Variants in GAS7 observed in about 807,000 individuals in gnomAD.
GAS7 encodes the protein growth arrest-specific protein 7.
Under a neutral mutation model 71.1 loss-of-function variants are expected in GAS7, and 28 were observed. That is an observed-to-expected ratio of 0.39 (90% confidence interval 0.29 to 0.54). The LOEUF (loss-of-function observed/expected upper bound fraction) is 0.54. Ranked by LOEUF, GAS7 falls within the 20% of genes least tolerant of loss-of-function variation. GAS7 has a pLI of 0.62. For missense variants in GAS7, 436 were observed against 627.8 expected, an observed-to-expected ratio of 0.69 and a Z score of 3.27; for synonymous variants, 258 against 245.8, an observed-to-expected ratio of 1.05 and a Z score of -0.46.
intron 5 of GAS7, among the ~76,000 whole-genome samples, chr17:9,956,434 C>T (rs2069239810): frequency 6.6e-6 from 1 of 152,192 alleles, no homozygotes; most frequent in Non-Finnish European, 1.5e-5. Flanking sequence ...CCCCAAATTC[C>T]TCTTTCCAGG....
At chr17:10,157,746 A>G (rs900472650) in intron 1 of GAS7, among the ~76,000 whole-genome samples, 1 of 152,192 alleles carries the variant, frequency 6.6e-6, no homozygotes, top group African/African-American at 2.4e-5. Flanking sequence ...CCTCCCCGCA[A>G]AAAATTTAAA....
At chr17:9,971,862 G>A (rs1192556593) in intron 3 of GAS7, among the ~76,000 whole-genome samples, 2 of 152,162 alleles carry the variant, frequency 1.3e-5, no homozygotes, top group Non-Finnish European at 2.9e-5. Context: ...TTGGAGCGAC[G>A]AGGACTGGAG....
At chr17:9,965,011 G>T (rs1041968076) in intron 4 of GAS7, among the ~76,000 whole-genome samples, 1 of 152,068 alleles carries the variant, frequency 6.6e-6, no homozygotes, top group African/African-American at 2.4e-5. Flanking sequence ...TGGGAAGTTC[G>T]TGAGAAGCCA....
intron 1 of GAS7, 78 bp downstream of exon 1, chr17:10,198,130 C>T: frequency 7.0e-7 from 1 of 1,420,918 alleles, no homozygotes; most frequent in Non-Finnish European, 9.7e-7. Flanking sequence ...CTGCGGCATC[C>T]CCGGAACGGG....
intron 1 of GAS7, among the ~76,000 whole-genome samples, chr17:10,092,333 T>C (rs1307254697): frequency 6.6e-6 from 1 of 152,196 alleles, no homozygotes; most frequent in Non-Finnish European, 1.5e-5. Context: ...TAGCCTGATA[T>C]TTTGTTATAC....
At chr17:10,102,895 G>A (rs1323937386) in intron 1 of GAS7, among the ~76,000 whole-genome samples, 3 of 152,030 alleles carry the variant, frequency 2.0e-5, no homozygotes, top group South Asian at 2.1e-4. Context: ...TGTTCAATAG[G>A]CGAGTAATTA....
chr17:10,076,848 G>A (rs2073399616), intron 1 of GAS7, among the ~76,000 whole-genome samples: 1 of 103,472 alleles, frequency 9.7e-6, no homozygotes, highest in South Asian at 2.5e-4. Context: ...CATATCACCA[G>A]AGCCGGAATC....
At chr17:10,062,628 G>A (rs1567575560) in intron 1 of GAS7, among the ~76,000 whole-genome samples, 1 of 152,110 alleles carries the variant, frequency 6.6e-6, no homozygotes, top group East Asian at 1.9e-4. Flanking sequence ...GAAACCACAC[G>A]AACACAGTGG....
At chr17:9,953,906 C>T (rs953763291) in intron 5 of GAS7, among the ~76,000 whole-genome samples, 7 of 152,156 alleles carry the variant, frequency 4.6e-5, no homozygotes, top group South Asian at 2.1e-4. Flanking sequence ...GTGCAGTGGC[C>T]GGAGGCTAGG....
chr17:10,057,092 A>T (rs993094112), intron 1 of GAS7, among the ~76,000 whole-genome samples: 2 of 152,094 alleles, frequency 1.3e-5, no homozygotes, highest in Admixed American at 1.3e-4. Flanking sequence ...TCGTTCACTC[A>T]GTGCTCAATG....
At chr17:10,196,066 A>G (rs1210289418) in intron 1 of GAS7, among the ~76,000 whole-genome samples, 1 of 152,172 alleles carries the variant, frequency 6.6e-6, no homozygotes, top group African/African-American at 2.4e-5. Flanking sequence ...TTTTAGCCCT[A>G]GAGGTTCAGC....
At chr17:10,014,341 G>A (rs553672953) in intron 2 of GAS7, among the ~76,000 whole-genome samples, 2 of 151,870 alleles carry the variant, frequency 1.3e-5, no homozygotes, top group Admixed American at 6.6e-5. Flanking sequence ...TTAGTCTGTC[G>A]GCCTCCACGC....
At position 10,009,337 on chromosome 17, in the gene GAS7, G is replaced by A. The variant is rs9904564; in HGVS notation, c.304+10440C>T. ...CTCCGTCAAAAAAAAAAAAAAAAAA[G>A]TGTTCTACTGGAAAACTTATCCAGA... On this transcript the variant is annotated intron_variant, in intron 2 of 13. Coordinates refer to ENST00000432992, the MANE Select transcript of GAS7 (RefSeq NM_201433.2). Among the ~76,000 whole-genome samples the A allele has an allele frequency of 2.9e-3, 309 of 106,288 alleles. 2 individuals carry two copies. Among genetic ancestry groups the A allele is most frequent in the African/African-American group, 0.012 (280 of 22,804 alleles). The allele number at this position is 106,288 out of a possible 152,430, so 69.7% of individuals were successfully genotyped here.
chr17:10,189,940 CA>C (rs776083493), intron 1 of GAS7, among the ~76,000 whole-genome samples: 507 of 129,628 alleles, frequency 3.9e-3, no homozygotes, highest in Middle Eastern at 7.6e-3. Flanking sequence ...TTCCATCTCC[CA>C]AAAAAAAAAA....
chr17:10,017,850 C>T (rs1055331553), intron 2 of GAS7, among the ~76,000 whole-genome samples: 4 of 152,142 alleles, frequency 2.6e-5, no homozygotes, highest in Admixed American at 1.3e-4. Flanking sequence ...GTTCACTGAC[C>T]CCTGGCCTGG....
At chr17:10,040,686 C>A (rs1597738639) in intron 1 of GAS7, among the ~76,000 whole-genome samples, 1 of 151,994 alleles carries the variant, frequency 6.6e-6, no homozygotes, top group African/African-American at 2.4e-5. Context: ...GAGGCAAGAG[C>A]ATCACATCCA....
intron 1 of GAS7, among the ~76,000 whole-genome samples, chr17:10,124,835 T>C (rs2073932193): frequency 6.6e-6 from 1 of 152,052 alleles, no homozygotes; most frequent in East Asian, 1.9e-4. Context: ...AGAGAATCGC[T>C]TGAACCCGGG....
chr17:10,138,177 G>T (rs528352685), intron 1 of GAS7, among the ~76,000 whole-genome samples: 9 of 150,526 alleles, frequency 6.0e-5, no homozygotes, highest in African/African-American at 2.2e-4. Flanking sequence ...ATGTTAGCCA[G>T]GATGGTCTCG....
At chr17:10,032,665 A>G (rs8077488) in intron 1 of GAS7, among the ~76,000 whole-genome samples, 48,952 of 152,060 alleles carry the variant, frequency 0.32, 8,264 homozygotes, top group African/African-American at 0.42. Context: ...CAGCTTCCAA[A>G]AACAGCAGCC....
Sources: allele counts gnomAD v4.1 joint callset (sites outside exome capture counted in the v4.1 genomes callset), GRCh38; gene constraint gnomAD v4.1.1; transcripts MANE v1.5; gene names NCBI Gene and HGNC (gene_info 2026-07-23, HGNC 2026-07-21).